The following PIEZO2 variants were observed in gnomAD, a reference collection of about 807,000 sequenced individuals.
PIEZO2 encodes the protein piezo type mechanosensitive ion channel component 2.
Under a neutral mutation model 337.3 loss-of-function variants are expected in PIEZO2, and 172 were observed. The observed-to-expected ratio is 0.51, with a 90% CI of 0.45 to 0.58. The LOEUF is 0.58. Among genes scored for constraint, PIEZO2 ranks in the 20% least tolerant of loss-of-function variants. PIEZO2 has a pLI of 0.00. For synonymous variants in PIEZO2, 1,251 were observed against 1,228.5 expected (o/e 1.02, Z -0.38); for missense variants, 3,028 against 3,391.3 (o/e 0.89, Z 2.66).
Position 11,105,499 on chromosome 18 carries a change from A to G in PIEZO2, c.65-39277T>C, listed in dbSNP as rs1215980758. 1.3e-5 allele frequency among the ~76,000 whole-genome samples: 2 copies of G among 152,092 alleles called. No individual in the cohort carries two copies. Among genetic ancestry groups the G allele is most frequent in the Non-Finnish European group, 2.9e-5 (2 of 68,022 alleles). On this transcript the variant is annotated intron_variant, in intron 1 of 55. Transcript: ENST00000674853. This position sits in a 1 kb window ranked among gnomAD's most constrained non-coding sequence, Gnocchi z 4.3. ...TACCACGTGGTGAGAATCCCAGCACAGCTTATCTCATTCTCTCCTGCTTGT... is the reference window on the plus strand; with the variant it reads ...TACCACGTGGTGAGAATCCCAGCACGGCTTATCTCATTCTCTCCTGCTTGT...
rs1307292043 is a variant in PIEZO2, at chr18:11,105,341, G to A, written c.65-39119C>T. 6.6e-6 allele frequency among the ~76,000 whole-genome samples: 1 copy of A among 152,142 alleles called. No homozygotes were observed. The highest frequency in any genetic ancestry group is 1.5e-5 in the Non-Finnish European group (1 of 68,022). On this transcript the variant is annotated intron_variant, in intron 1 of 55. Transcript: ENST00000674853. The surrounding 1 kb of genome is among the most constrained non-coding windows in gnomAD (Gnocchi z 4.3). The stretch of plus-strand genomic sequence containing the variant: ...CTTAAAATTCAGACTTACTCCTCTA[G>A]ACTGTAAACCACACAACTAAACTCG...
rs562150968 is a variant in PIEZO2 at position 10,671,844 on chromosome 18, T to A, written c.8346-65A>T. ...AATATAGTTAATAAAGAAAAGCATG[T>A]CTAAAAGAAAAAAATATTACTTTCC... On this transcript the variant is annotated intron_variant, in intron 55 of 55. Coordinates refer to ENST00000674853, the MANE Select transcript of PIEZO2 (RefSeq NM_001378183.1). 11 of 1,368,126 alleles carry A rather than the reference T, an allele frequency of 8.0e-6. No individual in the cohort carries two copies. In the South Asian group the frequency reaches 1.3e-4, roughly 17 times the overall value. 84.7% of individuals were successfully genotyped at this position (1,368,126 alleles called of 1,614,324 possible).
intron 7 of PIEZO2, among the ~76,000 whole-genome samples, chr18:10,825,626 C>T (rs1210885150): frequency 6.8e-6 from 1 of 146,682 alleles, no homozygotes; most frequent in East Asian, 2.0e-4. Flanking sequence ...TCTCGGCTCA[C>T]TGCAACCTTT....
At chr18:10,832,086 C>T (rs2040860526) in intron 7 of PIEZO2, among the ~76,000 whole-genome samples, 1 of 151,998 alleles carries the variant, frequency 6.6e-6, no homozygotes, top group African/African-American at 2.4e-5. Context: ...TCACTTGAGG[C>T]CAGGAGTTCA....
At chr18:10,897,158 T>C (rs1050599115) in intron 4 of PIEZO2, among the ~76,000 whole-genome samples, 1 of 151,990 alleles carries the variant, frequency 6.6e-6, no homozygotes, top group Non-Finnish European at 1.5e-5. Context: ...CATATGGTTC[T>C]CATGGTAGTG....
Position 10,850,091 on chromosome 18 carries a change from G to A in PIEZO2, c.917+5262C>T, listed in dbSNP as rs544263701. 6.6e-6 allele frequency among the ~76,000 whole-genome samples: 1 copy of A among 152,258 alleles called. No individual in the cohort carries two copies. The highest frequency in any genetic ancestry group is 1.9e-4 in the East Asian group (1 of 5,176). On this transcript the variant is annotated intron_variant, in intron 7 of 55. Coordinates refer to ENST00000674853, the MANE Select transcript of PIEZO2 (RefSeq NM_001378183.1). The surrounding 1 kb of genome is among the most constrained non-coding windows in gnomAD (Gnocchi z 4.5). ...TACACCTATCTCTGTCACATAATAA[G>A]TCCTACATTTTGTTTTGGAAAATAT...
chr18:10,874,075 A>G (rs1296752159), intron 4 of PIEZO2, among the ~76,000 whole-genome samples: 1 of 152,168 alleles, frequency 6.6e-6, no homozygotes, highest in East Asian at 1.9e-4. Flanking sequence ...ATCCAGCTGA[A>G]AGGAATTAAT....
intron 2 of PIEZO2, among the ~76,000 whole-genome samples, chr18:11,014,434 G>GC (rs1481826997): frequency 8.0e-5 from 10 of 125,326 alleles, no homozygotes; most frequent in East Asian, 2.3e-4. Context: ...GCGATCCGGA[G>GC]CCCCTCATTC....
intron 2 of PIEZO2, among the ~76,000 whole-genome samples, chr18:10,999,210 T>C (rs2094535162): frequency 1.3e-5 from 2 of 151,484 alleles, no homozygotes; most frequent in South Asian, 4.2e-4. Context: ...AATCAGTTTA[T>C]AGATAAGTTA....
intron 3 of PIEZO2, among the ~76,000 whole-genome samples, chr18:10,926,405 G>A (rs1016836617): frequency 3.9e-5 from 6 of 152,152 alleles, no homozygotes; most frequent in African/African-American, 1.4e-4. Flanking sequence ...GCACTAGTGG[G>A]TGGAACATAT....
intron 8 of PIEZO2, among the ~76,000 whole-genome samples, chr18:10,804,717 C>T (rs576123915): frequency 3.9e-5 from 6 of 152,238 alleles, no homozygotes; most frequent in East Asian, 1.9e-4. Context: ...ACTGAAGTCT[C>T]GACACTGACT....
chr18:10,804,081 C>T (rs923684404), intron 8 of PIEZO2, 87 bp from the exon 9 acceptor site: 1 of 1,448,312 alleles, frequency 6.9e-7, no homozygotes, highest in African/African-American at 1.4e-5. Flanking sequence ...TTCATTTTGG[C>T]TCAGTATGAT....
At position 11,128,387 on chromosome 18, in the gene PIEZO2, G is replaced by A. The variant is rs1053882072; in HGVS notation, c.64+20138C>T. Among the ~76,000 whole-genome samples, 10 of 152,154 alleles carry A rather than the reference G, an allele frequency of 6.6e-5. No homozygotes were observed. Among genetic ancestry groups the A allele is most frequent in the South Asian group, 2.1e-4 (1 of 4,836 alleles). Reference sequence around the variant, plus strand: ...CAACGAAAGATACATGCACAGCCCCGCCAGGTGTCTACTGTTAAAGTGAGG... The same window carrying A: ...CAACGAAAGATACATGCACAGCCCCACCAGGTGTCTACTGTTAAAGTGAGG... On this transcript the variant is annotated intron_variant, in intron 1 of 55. Transcript: ENST00000674853. This position sits in a 1 kb window ranked among gnomAD's most constrained non-coding sequence, Gnocchi z 4.1.
intron 2 of PIEZO2, among the ~76,000 whole-genome samples, chr18:11,042,290 AG>A (rs2037152610): frequency 6.6e-6 from 1 of 152,208 alleles, no homozygotes; most frequent in African/African-American, 2.4e-5. Flanking sequence ...TGCTATGAGG[AG>A]CCAGGAGCAG....
intron 2 of PIEZO2, among the ~76,000 whole-genome samples, chr18:10,983,691 A>C (rs576221499): frequency 6.6e-6 from 1 of 151,826 alleles, no homozygotes; most frequent in East Asian, 1.9e-4. Context: ...GGACCCCCAC[A>C]ACCAACTGAT....
At chr18:10,763,645 C>T (rs1444915648) in intron 21 of PIEZO2, among the ~76,000 whole-genome samples, 2 of 152,190 alleles carry the variant, frequency 1.3e-5, no homozygotes, top group African/African-American at 2.4e-5. Flanking sequence ...ATCCTTTTTA[C>T]ACCATGCTAT....
chr18:11,067,012 A>G (rs1034276426), intron 1 of PIEZO2, among the ~76,000 whole-genome samples: 2 of 152,250 alleles, frequency 1.3e-5, no homozygotes, highest in African/African-American at 4.8e-5. Context: ...GCAAAAACCT[A>G]TAGTAGATAC....
At chr18:10,755,136 G>A (rs1190685649) in intron 27 of PIEZO2, among the ~76,000 whole-genome samples, 1 of 152,202 alleles carries the variant, frequency 6.6e-6, no homozygotes, top group African/African-American at 2.4e-5. Context: ...CACTTTAGAA[G>A]TGGGGATAAG....
intron 3 of PIEZO2, among the ~76,000 whole-genome samples, chr18:10,917,218 G>C (rs1292243961): frequency 6.6e-6 from 1 of 152,106 alleles, no homozygotes; most frequent in Non-Finnish European, 1.5e-5. Context: ...CTGTAATAGT[G>C]GTTTAAAACC....
Sources: allele counts gnomAD v4.1 joint callset (sites outside exome capture counted in the v4.1 genomes callset), GRCh38; gene constraint gnomAD v4.1.1; non-coding constraint Gnocchi (gnomAD v3.1); transcripts MANE v1.5; gene names NCBI Gene and HGNC (gene_info 2026-07-23, HGNC 2026-07-21).